The following ADAMTSL1 variants were observed in gnomAD, a reference collection of about 807,000 sequenced individuals.
ADAMTSL1 encodes the protein ADAMTS-like protein 1.
Under a neutral mutation model 201.8 loss-of-function variants are expected in ADAMTSL1, and 126 were observed. The observed-to-expected ratio is 0.62, with a 90% CI of 0.54 to 0.72. The LOEUF (loss-of-function observed/expected upper bound fraction) is 0.72. ADAMTSL1 is among the 30% of genes least tolerant of loss of function. The probability of loss-of-function intolerance (pLI) is 0.00; values close to 1 mark genes in which losing one functional copy is unlikely to be tolerated. For missense variants in ADAMTSL1, 2,679 were observed against 2,277.8 expected, an observed-to-expected ratio of 1.18 and a Z score of -3.59; for synonymous variants, 1,121 against 903.4, an observed-to-expected ratio of 1.24 and a Z score of -4.32.
rs957695557 is a variant in ADAMTSL1 at position 18,233,112 on chromosome 9, G to A, written c.207+69131G>A. Among the ~76,000 whole-genome samples, 4 of 152,168 alleles carry A rather than the reference G, an allele frequency of 2.6e-5. No individual in the cohort carries two copies. The South Asian group carries it at 8.3e-4, about 31-fold the overall frequency. ...AGCTAAAACAATAACTCAGACTCCA[G>A]AAACTATGTATGTTGCAGTACAAAA... On this transcript the variant is annotated intron_variant, in intron 2 of 29. Coordinates refer to the ADAMTSL1 transcript ENST00000680146.
At chr9:18,413,313 C>T (rs139235849) in intron 2 of ADAMTSL1, among the ~76,000 whole-genome samples, 2,824 of 151,912 alleles carry the variant, frequency 0.019, 94 homozygotes, top group African/African-American at 0.065. Context: ...TACAAGCGCC[C>T]GCCACCACAC....
In ADAMTSL1 at chr9:18,575,119, C is replaced by A. The variant is rs535522359; in HGVS notation, c.474+853C>A. 3.9e-5 allele frequency among the ~76,000 whole-genome samples: 6 copies of A among 152,224 alleles called. No individual in the cohort carries two copies. In the East Asian group the frequency reaches 5.8e-4, roughly 15 times the overall value. ...TTTCTCTCTTCAGAATGTATAATAT[C>A]ACGGCTAGGAATGTAAGAGAAATAT... On this transcript the variant is annotated intron_variant, in intron 4 of 28. Coordinates refer to ENST00000380548, the MANE Select transcript of ADAMTSL1 (RefSeq NM_001040272.6).
At chr9:18,200,672 A>G (rs748830378) in intron 2 of ADAMTSL1, among the ~76,000 whole-genome samples, 12 of 152,048 alleles carry the variant, frequency 7.9e-5, no homozygotes, top group Non-Finnish European at 1.2e-4. Context: ...TGACGTATAA[A>G]GTAATGTAAA....
chr9:18,839,486 A>G (rs376570385), intron 23 of ADAMTSL1, among the ~76,000 whole-genome samples: 18 of 152,156 alleles, frequency 1.2e-4, no homozygotes, highest in African/African-American at 2.7e-4. Flanking sequence ...TAGTGCCGCA[A>G]TAAACATATG....
intron 1 of ADAMTSL1, among the ~76,000 whole-genome samples, chr9:17,956,757 G>A (rs1408343589): frequency 6.6e-6 from 1 of 152,172 alleles, no homozygotes; most frequent in East Asian, 1.9e-4. Context: ...CAAAGAATTT[G>A]CAGCCATTGT....
At chr9:18,848,584 C>T (rs1826281184) in intron 23 of ADAMTSL1, among the ~76,000 whole-genome samples, 1 of 152,126 alleles carries the variant, frequency 6.6e-6, no homozygotes, top group Non-Finnish European at 1.5e-5. Context: ...CTATCTAAAT[C>T]CTAAAGATTT....
chr9:18,546,985 G>A (rs190214035), intron 3 of ADAMTSL1, among the ~76,000 whole-genome samples: 102 of 152,194 alleles, frequency 6.7e-4, no homozygotes, highest in Non-Finnish European at 1.9e-4. Flanking sequence ...GCTATTTCTA[G>A]GTAAGAAATT....
Position 18,574,217 on chromosome 9 carries a change from C to T in ADAMTSL1, c.425C>T (p.Thr142Met), listed in dbSNP as rs771200194. ...CTAGCACCTAAGGTCTTAGATGGTACGCGTTGCTATACAGAATCTTTGGAT... is the reference window on the plus strand; with the variant it reads ...CTAGCACCTAAGGTCTTAGATGGTATGCGTTGCTATACAGAATCTTTGGAT... ...VELAPKVLDGTRCYTESLDMC... is the reference protein window; with the variant it reads ...VELAPKVLDGMRCYTESLDMC... Residue 142 changes from threonine (T) to methionine (M), a missense_variant, in exon 4 of 29, where the codon ACG (threonine) becomes ATG (methionine). Transcript: ENST00000380548. 9 of 1,613,996 alleles carry T rather than the reference C, an allele frequency of 5.6e-6. No homozygotes were observed. Among genetic ancestry groups the T allele is most frequent in the Admixed American group, 1.7e-5 (1 of 59,984 alleles).
At chr9:18,001,951 A>G (rs1000514736) in intron 1 of ADAMTSL1, among the ~76,000 whole-genome samples, 10 of 151,866 alleles carry the variant, frequency 6.6e-5, no homozygotes, top group African/African-American at 2.4e-4. Context: ...GTTGATAGGA[A>G]ATGGAGACTT....
chr9:18,155,151 TACTC>T (rs1380871505), intron 1 of ADAMTSL1, among the ~76,000 whole-genome samples: 7 of 152,086 alleles, frequency 4.6e-5, no homozygotes, highest in Non-Finnish European at 7.4e-5. Context: ...TCCTTTGACA[TACTC>T]ACACATACTG....
At chr9:18,045,132 G>T (rs1463867695) in intron 1 of ADAMTSL1, among the ~76,000 whole-genome samples, 1 of 152,080 alleles carries the variant, frequency 6.6e-6, no homozygotes, top group African/African-American at 2.4e-5. Flanking sequence ...AGGAAAGAAA[G>T]GAGGTTCTAT....
At chr9:18,852,646 A>G (rs930978588) in intron 23 of ADAMTSL1, among the ~76,000 whole-genome samples, 3 of 152,220 alleles carry the variant, frequency 2.0e-5, no homozygotes, top group Admixed American at 6.5e-5. Flanking sequence ...AAGAAAAAGG[A>G]AAGGACTTTC....
intron 2 of ADAMTSL1, among the ~76,000 whole-genome samples, chr9:18,366,955 T>C (rs1028287206): frequency 1.3e-5 from 2 of 152,308 alleles, no homozygotes; most frequent in East Asian, 3.9e-4. Flanking sequence ...TAAATACTTA[T>C]CTCTTACTCT....
At chr9:18,886,227 T>C (rs1256090321) in intron 23 of ADAMTSL1, among the ~76,000 whole-genome samples, 4 of 138,428 alleles carry the variant, frequency 2.9e-5, no homozygotes, top group African/African-American at 7.9e-5. Flanking sequence ...CACATACATA[T>C]ACATACATAC....
At chr9:17,992,379 A>T (rs530114867) in intron 1 of ADAMTSL1, among the ~76,000 whole-genome samples, 3 of 152,278 alleles carry the variant, frequency 2.0e-5, no homozygotes, top group South Asian at 2.1e-4. Context: ...TGCCATTCAC[A>T]TTGGTTAACT....
At chr9:18,242,222 A>G (rs1831095912) in intron 2 of ADAMTSL1, among the ~76,000 whole-genome samples, 1 of 152,156 alleles carries the variant, frequency 6.6e-6, no homozygotes, top group South Asian at 2.1e-4. Flanking sequence ...AAATCAATCA[A>G]TGTAATATAT....
chr9:18,346,261 T>C (rs1835709957), intron 2 of ADAMTSL1, among the ~76,000 whole-genome samples: 1 of 152,200 alleles, frequency 6.6e-6, no homozygotes, highest in African/African-American at 2.4e-5. Context: ...TTAATGTTCC[T>C]AGACACTGCA....
intron 2 of ADAMTSL1, among the ~76,000 whole-genome samples, chr9:18,165,007 TG>T (rs1206749975): frequency 6.6e-6 from 1 of 151,918 alleles, no homozygotes; most frequent in Non-Finnish European, 1.5e-5. Context: ...AGGTTCCCAA[TG>T]GTGCTATAAT....
At chr9:18,089,769 G>T (rs368470153) in intron 1 of ADAMTSL1, among the ~76,000 whole-genome samples, 2 of 152,246 alleles carry the variant, frequency 1.3e-5, no homozygotes, top group East Asian at 3.9e-4. Flanking sequence ...GAGAAACTGA[G>T]AATTGCTTAT....
Sources: gnomAD v4.1 joint callset for allele counts (sites outside exome capture counted in the v4.1 genomes callset) on GRCh38, gnomAD v4.1.1 for gene constraint, MANE v1.5 for transcripts, NCBI Gene and HGNC (gene_info 2026-07-23, HGNC 2026-07-21) for gene names.